NME8: variants seen among roughly 807,000 people sequenced by gnomAD.
The protein encoded by NME8 is NME/NM23 family member 8, also known as protein NME8.
In NME8, 72 loss-of-function variants were observed where a neutral mutation model predicts 82.3. The observed-to-expected ratio is 0.87, with a 90% CI of 0.72 to 1.06. The LOEUF (loss-of-function observed/expected upper bound fraction) is 1.06, where lower values mean the gene tolerates loss of function less well. Ranked by LOEUF, NME8 falls within the 50% of genes least tolerant of loss-of-function variation. The probability of loss-of-function intolerance (pLI) is 0.00; values close to 1 mark genes in which losing one functional copy is unlikely to be tolerated. For synonymous variants in NME8, 267 were observed against 228.5 expected (o/e 1.17, Z -1.52); for missense variants, 712 against 685.4 (o/e 1.04, Z -0.43).
At chr7:37,883,206 T>G (rs899126908) in intron 12 of NME8, among the ~76,000 whole-genome samples, 1 of 152,204 alleles carries the variant, frequency 6.6e-6, no homozygotes, top group Admixed American at 6.5e-5. Flanking sequence ...GCTGTTAACA[T>G]TATATGGCAA....
At chr7:37,850,806 T>A in intron 5 of NME8, 71 bp downstream of exon 5, 5 of 970,464 alleles carry the variant, frequency 5.2e-6, no homozygotes, top group Non-Finnish European at 6.7e-6. Flanking sequence ...TCTAATACTT[T>A]AAGTATTGTC....
chr7:37,899,753 C>T (rs1311520490), intron 17 of NME8, among the ~76,000 whole-genome samples: 1 of 152,082 alleles, frequency 6.6e-6, no homozygotes, highest in East Asian at 1.9e-4. Flanking sequence ...AATTTTGTTT[C>T]AAACAAAATG....
At chr7:37,895,531 ACT>A (rs1323620330) in intron 16 of NME8, among the ~76,000 whole-genome samples, 1 of 151,434 alleles carries the variant, frequency 6.6e-6, no homozygotes, top group Non-Finnish European at 1.5e-5. Context: ...GCTTTCCAAA[ACT>A]CTCTTTTACA....
At chr7:37,891,553 T>C (rs1011357050) in intron 15 of NME8, among the ~76,000 whole-genome samples, 26 of 152,046 alleles carry the variant, frequency 1.7e-4, no homozygotes, top group Admixed American at 1.4e-3. Flanking sequence ...TGTTCTTCTC[T>C]GTGTGGTCTT....
In NME8 at chr7:37,882,615, GAAAGAA is replaced by G. The variant is rs769289590; in HGVS notation, c.995-1686_995-1681del. Among the ~76,000 whole-genome samples the G allele has an allele frequency of 8.3e-4, 60 of 72,296 alleles. 1 individual carries two copies. The East Asian group carries it at 0.019, about 23-fold the overall frequency. 47.4% of individuals were successfully genotyped at this position (72,296 alleles called of 152,430 possible). ...AGAAAGAAAGAGAGAGAGAGAGAGA[GAAAGAA>G]AGAAAGAAAGAAAGAAAGAAAGAGA... On this transcript the variant is annotated intron_variant, in intron 12 of 17. Transcript: ENST00000199447.
intron 16 of NME8, among the ~76,000 whole-genome samples, chr7:37,895,174 C>T (rs1168286322): frequency 1.3e-5 from 2 of 152,072 alleles, no homozygotes; most frequent in African/African-American, 4.8e-5. Context: ...TGTGTTGATA[C>T]CTTGTCAAAC....
intron 11 of NME8, 147 bp downstream of exon 11, chr7:37,868,045 A>G (rs1583632511): frequency 1.4e-6 from 1 of 734,852 alleles, no homozygotes. Flanking sequence ...CTGTATATTC[A>G]GAAGAGCTGT....
chr7:37,898,878 T>A (rs1785271224), intron 17 of NME8, among the ~76,000 whole-genome samples: 2 of 152,156 alleles, frequency 1.3e-5, no homozygotes, highest in Admixed American at 6.5e-5. Flanking sequence ...ACACAACCCC[T>A]GACATATTGC....
At chr7:37,880,913 T>C (rs1169893387) in intron 12 of NME8, among the ~76,000 whole-genome samples, 1 of 152,184 alleles carries the variant, frequency 6.6e-6, no homozygotes, top group Non-Finnish European at 1.5e-5. Context: ...TGTTTTGCTT[T>C]AAATTTCAAA....
In NME8 at chr7:37,882,487, A is replaced by G. The variant is rs146424844; in HGVS notation, c.995-1816A>G. 3.2e-3 allele frequency among the ~76,000 whole-genome samples: 483 copies of G among 151,528 alleles called. 5 individuals are homozygous for G. Among genetic ancestry groups the G allele is most frequent in the African/African-American group, 0.011 (455 of 41,234 alleles). ...GGGCGACAGAGTGAGACCCTGTCAAAAAAAAGAAAAAAAGAAAAGAAATAA... is the reference window on the plus strand; with the variant it reads ...GGGCGACAGAGTGAGACCCTGTCAAGAAAAAGAAAAAAAGAAAAGAAATAA... On this transcript the variant is annotated intron_variant, in intron 12 of 17. Transcript: ENST00000199447.
At chr7:37,849,868 T>TAAAAAAAAAAAAAAAAAAAAAAAAA (rs1562826444) in intron 2 of NME8, among the ~76,000 whole-genome samples, 1 of 111,584 alleles carries the variant, frequency 9.0e-6, no homozygotes, top group Admixed American at 9.4e-5. Context: ...AGACTATGTC[T>TAAAAAAAAAAAAAAAAAAAAAAAAA]CAAAAAAAAA....
At chr7:37,849,594 G>T (rs574382141) in intron 2 of NME8, among the ~76,000 whole-genome samples, 3 of 152,312 alleles carry the variant, frequency 2.0e-5, no homozygotes, top group Admixed American at 1.3e-4. Flanking sequence ...GTTATTTGCA[G>T]TTAGAAAGAA....
In NME8 at chr7:37,867,769, G is replaced by A. The variant is rs1784708653; in HGVS notation, c.689G>A (p.Gly230Glu). 6.2e-7 allele frequency: 1 copy of A among 1,613,640 alleles called. No individual in the cohort carries two copies. Among genetic ancestry groups the A allele is most frequent in the Non-Finnish European group, 8.5e-7 (1 of 1,179,768 alleles). Residue 230 changes from glycine (G) to glutamate (E), a missense_variant, in exon 11 of 18, where the codon GGA becomes GAA. Coordinates refer to ENST00000199447, the MANE Select transcript of NME8 (RefSeq NM_016616.5). ...GLSYILVVSQ[G>E]SKHNPPSEET... is the part of the protein sequence containing the mutation. ...AGCTATATTCTAGTTGTATCTCAAGGAAGTAAACACAATCCTCCCTCTGAA... is the reference window on the plus strand; with the variant it reads ...AGCTATATTCTAGTTGTATCTCAAGAAAGTAAACACAATCCTCCCTCTGAA...
chr7:37,865,737 G>C, intron 10 of NME8, 120 bp downstream of exon 10: 1 of 708,000 alleles, frequency 1.4e-6, no homozygotes, highest in Non-Finnish European at 2.5e-6. Context: ...TAAGCTCCTG[G>C]TGTCCCTGTT....
At chr7:37,892,293 T>G (rs1025374982) in intron 15 of NME8, among the ~76,000 whole-genome samples, 1 of 151,836 alleles carries the variant, frequency 6.6e-6, no homozygotes, top group African/African-American at 2.4e-5. Context: ...TTCAAGATGG[T>G]TTTCCTGCCT....
Position 37,862,137 on chromosome 7 carries a change from G to T in NME8, c.380G>T (p.Arg127Leu). 6.2e-7 allele frequency: 1 copy of T among 1,600,374 alleles called. No homozygotes were observed. The highest frequency in any genetic ancestry group is 8.6e-7 in the Non-Finnish European group (1 of 1,167,704). The change falls in exon 7 of 18, where the codon CGA (arginine) becomes CTA (leucine). Residue 127 changes from arginine (R) to leucine (L), a missense_variant. Arg to Leu is a moderately radical substitution (Grantham distance 102). Transcript: ENST00000199447. ...ERKIAAGEMA[R>L]PQYPEIPLVD... ...AAAATTGCAGCAGGTGAAATGGCTC[G>T]ACCTCAGGTAATACTTTGGATTAAC... is the stretch of plus-strand genomic sequence containing the variant.
At chr7:37,891,463 T>A (rs1181586017) in intron 15 of NME8, among the ~76,000 whole-genome samples, 1 of 152,016 alleles carries the variant, frequency 6.6e-6, no homozygotes, top group Admixed American at 6.6e-5. Context: ...ATGTTTATTT[T>A]ATGTTAATAA....
intron 4 of NME8, 51 bp downstream of exon 4, chr7:37,850,486 C>T (rs372718997): frequency 1.3e-6 from 2 of 1,597,266 alleles, no homozygotes; most frequent in African/African-American, 2.7e-5. Flanking sequence ...CCCGGAGCTC[C>T]TCCTGGCACC....
rs747458162 is a variant in NME8 at position 37,867,786 on chromosome 7, C to T, written c.706C>T (p.Pro236Ser). The part of the protein sequence containing the change: ...VVSQGSKHNP[P>S]SEETEPQTDT... ...ATCTCAAGGAAGTAAACACAATCCT[C>T]CCTCTGAAGAAACCGAACCACAGAC... Residue 236 changes from proline to serine, a missense_variant, in exon 11 of 18, where the codon CCC becomes TCC. Pro to Ser is a moderately conservative substitution (Grantham distance 74). Coordinates refer to ENST00000199447, the MANE Select transcript of NME8 (RefSeq NM_016616.5). The T allele has an allele frequency of 7.0e-5, 113 of 1,613,606 alleles. No individual in the cohort carries two copies. The highest frequency in any genetic ancestry group is 9.4e-5 in the Non-Finnish European group (111 of 1,179,698).
Sources: allele counts gnomAD v4.1 joint callset (sites outside exome capture counted in the v4.1 genomes callset), GRCh38; gene constraint gnomAD v4.1.1; transcripts MANE v1.5; gene names NCBI Gene and HGNC (gene_info 2026-07-23, HGNC 2026-07-21).